The following BCL6 variants were observed in gnomAD, a reference collection of about 807,000 sequenced individuals.
BCL6 encodes the protein B-cell lymphoma 6 protein.
BCL6 carries 7 observed loss-of-function variants against 59.5 expected under a neutral mutation model. The ratio of observed to expected loss-of-function variants is 0.12; its 90% CI spans 0.07 to 0.22. BCL6 has a LOEUF of 0.22. BCL6 is among the 10% of genes least tolerant of loss of function. The pLI, the probability that BCL6 is intolerant of heterozygous loss-of-function variation, is 1.00. For synonymous variants in BCL6, 339 were observed against 349.7 expected (o/e 0.97, Z 0.34); for missense variants, 685 against 939.4 (o/e 0.73, Z 3.54).
chr3:187,742,980 G>C (rs944380695), intron 1 of BCL6, among the ~76,000 whole-genome samples: 3 of 151,814 alleles, frequency 2.0e-5, no homozygotes, highest in South Asian at 2.1e-4. Flanking sequence ...TAAATAGTGA[G>C]CAAAATAGAT....
rs1328896860 is a variant in BCL6 at position 187,722,059 on chromosome 3, G to A, written c.*399C>T. The A allele has an allele frequency of 8.7e-6, 2 of 228,876 alleles. No individual in the cohort carries two copies. Among genetic ancestry groups the A allele is most frequent in the Non-Finnish European group, 1.7e-5 (2 of 115,700 alleles). The allele number at this position is 228,876 out of a possible 1,614,324, so 14.2% of individuals were successfully genotyped here. ...CTCTTTGACAACATACTGAAGTCTT[G>A]TCTTTTAAAAGAATGCACATTTACA... On this transcript the variant is annotated 3_prime_UTR_variant, in exon 10 of 10. Transcript: ENST00000406870.
intron 1 of BCL6, among the ~76,000 whole-genome samples, chr3:187,743,171 C>T (rs1484649982): frequency 1.3e-5 from 2 of 151,966 alleles, no homozygotes; most frequent in African/African-American, 4.8e-5. Flanking sequence ...TCTCTCCTGC[C>T]CCACTTTTTT....
Position 187,731,903 on chromosome 3 carries a change from G to A in BCL6, c.189C>T (p.Asp63=). ...CSGLFYSIFT[D]QLKCNLSVIN... is the part of the protein sequence containing the mutation. The stretch of plus-strand genomic sequence containing the variant: ...TCACACTAAGGTTGCATTTCAACTG[G>A]TCTGTAAAGATGCTATAGAACAGGC... The change falls in exon 4 of 10, where the codon GAC becomes GAT. Residue 63 remains aspartate, a synonymous_variant. Coordinates refer to ENST00000406870, the MANE Select transcript of BCL6 (RefSeq NM_001706.5). 3.7e-6 allele frequency: 6 copies of A among 1,614,120 alleles called. No homozygotes were observed. Among genetic ancestry groups the A allele is most frequent in the Non-Finnish European group, 4.2e-6 (5 of 1,179,968 alleles).
intron 4 of BCL6, among the ~76,000 whole-genome samples, 167 bp from the exon 5 acceptor site, chr3:187,730,188 C>G (rs1299259669): frequency 6.6e-6 from 1 of 152,220 alleles, no homozygotes; most frequent in African/African-American, 2.4e-5. Flanking sequence ...TGCTAGAAGC[C>G]TGGAAATCCA....
chr3:187,738,665 CTAGGG>C (rs1719401387), intron 1 of BCL6, among the ~76,000 whole-genome samples: 1 of 152,154 alleles, frequency 6.6e-6, no homozygotes, highest in Non-Finnish European at 1.5e-5. Flanking sequence ...CTTTCGGGGG[CTAGGG>C]GACAGCGAAA....
Position 187,725,388 on chromosome 3 carries a change from T to G in BCL6, c.1839+111A>C. 4 of 1,515,234 alleles carry G rather than the reference T, an allele frequency of 2.6e-6. No individual in the cohort carries two copies. The highest frequency in any genetic ancestry group is 3.6e-6 in the Non-Finnish European group (4 of 1,125,622). The allele number at this position is 1,515,234 out of a possible 1,614,324, so 93.9% of individuals were successfully genotyped here. A position where few individuals can be genotyped will look rare whatever the true frequency, so the allele number is the denominator to read the frequency against. On this transcript the variant is annotated intron_variant, in intron 8 of 9. Transcript: ENST00000406870. This position sits in a 1 kb window ranked among gnomAD's most constrained non-coding sequence, Gnocchi z 4.7. ...GCTCTGCTCACCTGCCCGCTCCGCT[T>G]GCCTGCCCGCTCCACTTGCCTGCCC...
rs1320213677 is a variant in BCL6, at chr3:187,724,974, G to A, written c.1944C>T (p.His648=). 1 of 1,614,216 alleles carries A rather than the reference G, an allele frequency of 6.2e-7. No homozygotes were observed. Among genetic ancestry groups the A allele is most frequent in the Non-Finnish European group, 8.5e-7 (1 of 1,180,026 alleles). ...GTTTCTCTCCTGTGTGGATTCGCAG[G>A]TGGCTCTTCAGAGTCTGAAGGTGCC... ...RFRHLQTLKS[H]LRIHTGEKPY... The change falls in exon 9 of 10, where the codon CAC becomes CAT. Residue 648 remains histidine (H), a synonymous_variant. Coordinates refer to ENST00000406870, the MANE Select transcript of BCL6 (RefSeq NM_001706.5).
At chr3:187,743,482 C>A (rs1281724669) in intron 1 of BCL6, among the ~76,000 whole-genome samples, 1 of 152,066 alleles carries the variant, frequency 6.6e-6, no homozygotes, top group Non-Finnish European at 1.5e-5. Context: ...CCCCAGCCAC[C>A]AACACAACCA....
intron 1 of BCL6, among the ~76,000 whole-genome samples, chr3:187,739,528 C>A (rs1408016495): frequency 6.6e-6 from 1 of 152,164 alleles, no homozygotes; most frequent in Non-Finnish European, 1.5e-5. Flanking sequence ...CCGAGGTGTT[C>A]GGGGACATTG....
intron 9 of BCL6, among the ~76,000 whole-genome samples, chr3:187,723,769 G>A (rs563184466): frequency 2.6e-5 from 4 of 152,138 alleles, no homozygotes; most frequent in East Asian, 1.9e-4. Context: ...TTCACTCTCC[G>A]GGCCTTGGAT....
At chr3:187,744,124 G>T (rs903402939) in intron 1 of BCL6, among the ~76,000 whole-genome samples, 3 of 152,120 alleles carry the variant, frequency 2.0e-5, no homozygotes, top group Admixed American at 6.5e-5. Context: ...TTGCACCATG[G>T]GAAAAAATAA....
chr3:187,726,906 A>T lies in BCL6; in HGVS notation c.1541-8T>A, dbSNP rs1173068363. 1 of 1,613,870 alleles carries T rather than the reference A, an allele frequency of 6.2e-7. No homozygotes were observed. The highest frequency in any genetic ancestry group is 2.2e-5 in the East Asian group (1 of 44,860). On this transcript the variant is annotated splice_polypyrimidine_tract_variant and splice_region_variant and intron_variant, in intron 6 of 9. Transcript: ENST00000406870. ...AGAAGAAGGCCCCGTTCTCTGTTGG[A>T]GGGTGGTAGGGGGACACCAAAGTCA...
At chr3:187,741,599 G>A (rs2108480023) in intron 1 of BCL6, among the ~76,000 whole-genome samples, 1 of 152,306 alleles carries the variant, frequency 6.6e-6, no homozygotes, top group Admixed American at 6.5e-5. Context: ...GGGGCAAAGA[G>A]AAACCAGCCA....
rs2108485912 is a variant in BCL6 at position 187,745,391 on chromosome 3, C to G, written c.-50+19G>C. On this transcript the variant is annotated intron_variant, in intron 1 of 9. Transcript: ENST00000406870. ...GCGGCAGTAGCAGCAGCAGCGGCGG[C>G]AGCAACAGCAATAATCACCTGGTGT... 3 of 402,748 alleles carry G rather than the reference C, an allele frequency of 7.4e-6. No individual in the cohort carries two copies. The highest frequency in any genetic ancestry group is 1.3e-5 in the Non-Finnish European group (3 of 228,372). 24.9% of individuals were successfully genotyped at this position (402,748 alleles called of 1,614,324 possible). A position where few individuals can be genotyped will look rare whatever the true frequency, so the allele number is the denominator to read the frequency against.
At chr3:187,727,277 C>G (rs1391205623) in intron 6 of BCL6, among the ~76,000 whole-genome samples, 1 of 152,176 alleles carries the variant, frequency 6.6e-6, no homozygotes, top group East Asian at 1.9e-4. Context: ...ACACAGAAGC[C>G]CTAGGGCAAG....
At chr3:187,734,057 TTGAGATG>T (rs1719174527) in intron 2 of BCL6, among the ~76,000 whole-genome samples, 8 of 152,178 alleles carry the variant, frequency 5.3e-5, no homozygotes, top group African/African-American at 1.9e-4. Flanking sequence ...TTTTTGTTTT[TTGAGATG>T]GAGTCTCACA....
chr3:187,725,774 TC>T lies in BCL6; in HGVS notation c.1709-146del. On this transcript the variant is annotated intron_variant, in intron 7 of 9. Coordinates refer to ENST00000406870, the MANE Select transcript of BCL6 (RefSeq NM_001706.5). The surrounding 1 kb of genome is among the most constrained non-coding windows in gnomAD (Gnocchi z 4.7). ...CCCTTAGGGAATGTGAGAGAGAGAA[TC>T]CAGGGGCCTGCCCCCACATCTGTCA... 1.9e-6 allele frequency: 2 copies of T among 1,046,044 alleles called. No individual in the cohort carries two copies. Among genetic ancestry groups the T allele is most frequent in the Non-Finnish European group, 2.7e-6 (2 of 737,996 alleles). 64.8% of individuals were successfully genotyped at this position (1,046,044 alleles called of 1,614,324 possible). A position where few individuals can be genotyped will look rare whatever the true frequency, so the allele number is the denominator to read the frequency against.
At chr3:187,744,649 A>T (rs1576885316) in intron 1 of BCL6, among the ~76,000 whole-genome samples, 4 of 152,180 alleles carry the variant, frequency 2.6e-5, no homozygotes, top group East Asian at 1.9e-4. Context: ...GCTCGAAGGC[A>T]GGGAATCTAA....
At chr3:187,745,167 G>C (rs190168126) in intron 1 of BCL6, among the ~76,000 whole-genome samples, 5 of 152,210 alleles carry the variant, frequency 3.3e-5, no homozygotes, top group African/African-American at 9.6e-5. Context: ...TGGTGGGAGA[G>C]ACGTGGGACT....
Sources: allele counts gnomAD v4.1 joint callset (sites outside exome capture counted in the v4.1 genomes callset), GRCh38; gene constraint gnomAD v4.1.1; non-coding constraint Gnocchi (gnomAD v3.1); transcripts MANE v1.5; gene names NCBI Gene and HGNC (gene_info 2026-07-23, HGNC 2026-07-21).